Variants in ANKMY1 observed in about 807,000 individuals in gnomAD.
ANKMY1 encodes the protein ankyrin repeat and MYND domain-containing protein 1.
A neutral mutation model predicts 102.0 loss-of-function variants in ANKMY1; 98 were observed. The observed-to-expected ratio is 0.96, with a 90% CI of 0.82 to 1.14. The LOEUF is 1.14. Among genes scored for constraint, ANKMY1 ranks in the 50% most tolerant of loss-of-function variants. The pLI is 0.00. For synonymous variants in ANKMY1, 582 were observed against 559.9 expected, an observed-to-expected ratio of 1.04 and a Z score of -0.56; for missense variants, 1,330 against 1,347.6, an observed-to-expected ratio of 0.99 and a Z score of 0.20.
At chr2:240,527,137 T>A in intron 5 of ANKMY1, 1 of 367,712 alleles carries the variant, frequency 2.7e-6, no homozygotes, top group Non-Finnish European at 3.7e-6. Flanking sequence ...GATGGGTGGG[T>A]GGATGAATAG....
rs114305419 is a variant in ANKMY1, at chr2:240,519,454, C to A, written c.2004+908G>T. 5.5e-3 allele frequency among the ~76,000 whole-genome samples: 845 copies of A among 152,376 alleles called. 10 individuals are homozygous for A. Among genetic ancestry groups the A allele is most frequent in the African/African-American group, 0.019 (801 of 41,586 alleles). ...CTGTCATACTTCCATCTCGCCCCATCCCCTGTGAACCTAACGAGGCCCTCA... is the reference window on the plus strand; with the variant it reads ...CTGTCATACTTCCATCTCGCCCCATACCCTGTGAACCTAACGAGGCCCTCA... On this transcript the variant is annotated intron_variant, in intron 9 of 17. Coordinates refer to ENST00000401804, the MANE Select transcript of ANKMY1 (RefSeq NM_001282771.3).
intron 15 of ANKMY1, among the ~76,000 whole-genome samples, chr2:240,487,280 T>G (rs2076161891): frequency 1.3e-5 from 2 of 152,236 alleles, no homozygotes; most frequent in South Asian, 2.1e-4. Flanking sequence ...AATCTCCAGT[T>G]CCACTTGTGT....
Position 240,507,650 on chromosome 2 carries a change from C to T in ANKMY1, c.2436G>A (p.Leu812=), listed in dbSNP as rs886223319. The change falls in exon 13 of 18, where the codon CTG becomes CTA. Residue 812 remains leucine, a synonymous_variant. Coordinates refer to ENST00000401804, the MANE Select transcript of ANKMY1 (RefSeq NM_001282771.3). ...ELLTQGADPN[L]PLTKGLGSAL... ...CACTGCCCAAGCCTTTGGTCAGGGGCAGGTTGGGGTCAGCTCCCTGGGTCA... is the reference window on the plus strand; with the variant it reads ...CACTGCCCAAGCCTTTGGTCAGGGGTAGGTTGGGGTCAGCTCCCTGGGTCA... The T allele has an allele frequency of 3.7e-6, 6 of 1,611,204 alleles. No individual in the cohort carries two copies. The African/African-American group carries it at 6.7e-5, about 18-fold the overall frequency.
chr2:240,480,532 C>T (rs1426916913), intron 17 of ANKMY1, among the ~76,000 whole-genome samples: 1 of 152,164 alleles, frequency 6.6e-6, no homozygotes, highest in Non-Finnish European at 1.5e-5. Flanking sequence ...CCTGAAGGAG[C>T]CCCAAGGCCA....
At chr2:240,502,135 C>T (rs1232085884) in intron 13 of ANKMY1, among the ~76,000 whole-genome samples, 1 of 151,994 alleles carries the variant, frequency 6.6e-6, no homozygotes, top group Non-Finnish European at 1.5e-5. Flanking sequence ...TCGACCTTTC[C>T]CTGCCCAATG....
chr2:240,485,284 C>T (rs565944030), intron 15 of ANKMY1, among the ~76,000 whole-genome samples: 46 of 151,248 alleles, frequency 3.0e-4, no homozygotes, highest in African/African-American at 1.1e-3. Flanking sequence ...GCCGAGATCG[C>T]GCCCCTGCAC....
chr2:240,523,725 A>T (rs913037327), intron 8 of ANKMY1, 160 bp downstream of exon 8: 64 of 1,234,446 alleles, frequency 5.2e-5, no homozygotes, highest in Non-Finnish European at 6.6e-5. Flanking sequence ...AGGGCTGGCC[A>T]TGGCGTGGAG....
chr2:240,502,855 C>A (rs550844826), intron 13 of ANKMY1, among the ~76,000 whole-genome samples: 86 of 151,518 alleles, frequency 5.7e-4, no homozygotes, highest in African/African-American at 2.0e-3. Context: ...TGAACTATGA[C>A]ATCATTGCCT....
chr2:240,550,006 C>T (rs1005114943), intron 4 of ANKMY1, among the ~76,000 whole-genome samples: 20 of 151,754 alleles, frequency 1.3e-4, no homozygotes, highest in Admixed American at 1.2e-3. Flanking sequence ...CCCAGCCATC[C>T]CATTACCGGG....
In ANKMY1 at chr2:240,499,997, T is replaced by A. The variant is rs777404916; in HGVS notation, c.2767A>T (p.Ser923Cys). ...TACAGCCACGTGGGGTCCCACTGGC[T>A]CTCCTTGGCAAAGACAGCCTGCCGT... The part of the protein sequence containing the change: ...QLRQAVFAKE[S>C]QWDPTWLYLC... Residue 923 changes from serine to cysteine, a missense_variant, in exon 15 of 18, where the codon AGC becomes TGC. Physicochemically the swap from Ser to Cys is moderately radical, Grantham distance 112. Coordinates refer to ENST00000401804, the MANE Select transcript of ANKMY1 (RefSeq NM_001282771.3). This position sits in a 1 kb window ranked among gnomAD's most constrained non-coding sequence, Gnocchi z 4.2. The A allele has an allele frequency of 5.0e-6, 8 of 1,612,864 alleles. No individual in the cohort carries two copies. The highest frequency in any genetic ancestry group is 6.8e-6 in the Non-Finnish European group (8 of 1,179,794).
chr2:240,469,024 C>T, the ANKMY1 span, among the ~76,000 whole-genome samples: 14 of 152,268 alleles, frequency 9.2e-5, no homozygotes, highest in African/African-American at 2.2e-4. Flanking sequence ...CTCTCCGTGG[C>T]GGGCCAGGGG....
rs555045234 is a variant in ANKMY1, at chr2:240,505,054, A to C, written c.2526+2506T>G. On this transcript the variant is annotated intron_variant, in intron 13 of 17. Coordinates refer to ENST00000401804, the MANE Select transcript of ANKMY1 (RefSeq NM_001282771.3). ...CCATTAGGATGGCTACTATCAAAAA[A>C]ACAGAAAATAACAAGTCTTGGTGAT... Among the ~76,000 whole-genome samples the C allele has an allele frequency of 7.9e-5, 12 of 151,964 alleles. No individual in the cohort carries two copies. In the South Asian group the frequency reaches 2.5e-3, roughly 32 times the overall value.
intron 15 of ANKMY1, among the ~76,000 whole-genome samples, chr2:240,482,463 A>G (rs923853708): frequency 1.3e-5 from 2 of 152,218 alleles, no homozygotes; most frequent in Non-Finnish European, 2.9e-5. Flanking sequence ...GGCAGTCCAC[A>G]GGCTCCAGGG....
chr2:240,547,661 TA>T (rs1391795305), intron 4 of ANKMY1, among the ~76,000 whole-genome samples: 1 of 148,134 alleles, frequency 6.8e-6, no homozygotes, highest in African/African-American at 2.5e-5. Context: ...ATAGATGCAA[TA>T]AAAAATGATA....
Position 240,480,404 on chromosome 2 carries a change from T to C in ANKMY1, c.3046+533A>G, listed in dbSNP as rs1236153315. On this transcript the variant is annotated intron_variant, in intron 17 of 17. Coordinates refer to ENST00000401804, the MANE Select transcript of ANKMY1 (RefSeq NM_001282771.3). ...CCGCCACCCTTGCGGCACCGGGCCCTGTTCACACCAAGGAGGTGAGGAGGG... is the reference window on the plus strand; with the variant it reads ...CCGCCACCCTTGCGGCACCGGGCCCCGTTCACACCAAGGAGGTGAGGAGGG... Among the ~76,000 whole-genome samples, 5 of 152,200 alleles carry C rather than the reference T, an allele frequency of 3.3e-5. No homozygotes were observed. In the East Asian group the frequency reaches 9.7e-4, roughly 29 times the overall value.
At position 240,524,189 on chromosome 2, in the gene ANKMY1, C is replaced by G. The variant is rs752676722; in HGVS notation, c.1528G>C (p.Gly510Arg). The G allele has an allele frequency of 1.4e-5, 22 of 1,613,806 alleles. No individual in the cohort carries two copies. The highest frequency in any genetic ancestry group is 2.2e-5 in the East Asian group (1 of 44,892). ...GGHFQDTGQC[G>R]GSIDHRSSSL... ...CTGCTCCTGTGGTCTATGGACCCCCCACACTGCCCGGTGTCCTGGAAGTGG... is the reference window on the plus strand; with the variant it reads ...CTGCTCCTGTGGTCTATGGACCCCCGACACTGCCCGGTGTCCTGGAAGTGG... Residue 510 changes from glycine to arginine, a missense_variant, in exon 8 of 18, where the codon GGG becomes CGG. Coordinates refer to ENST00000401804, the MANE Select transcript of ANKMY1 (RefSeq NM_001282771.3).
intron 4 of ANKMY1, among the ~76,000 whole-genome samples, chr2:240,546,137 G>A (rs942904075): frequency 3.3e-5 from 5 of 152,220 alleles, no homozygotes; most frequent in Non-Finnish European, 5.9e-5. Flanking sequence ...TCAAAGGGAA[G>A]CTCGTCAGAC....
At chr2:240,561,001 G>A, upstream of ANKMY1, 1 of 1,539,510 alleles carries the variant, frequency 6.5e-7, no homozygotes, top group Non-Finnish European at 8.7e-7. Flanking sequence ...TGCAAGAACG[G>A]CCGCAGCCGC....
At chr2:240,548,023 A>T (rs2090766763) in intron 4 of ANKMY1, among the ~76,000 whole-genome samples, 1 of 152,266 alleles carries the variant, frequency 6.6e-6, no homozygotes, top group African/African-American at 2.4e-5. Context: ...TGAGGCCAGC[A>T]TCATCCTGAT....
Sources: allele counts gnomAD v4.1 joint callset (sites outside exome capture counted in the v4.1 genomes callset), GRCh38; gene constraint gnomAD v4.1.1; non-coding constraint Gnocchi (gnomAD v3.1); transcripts MANE v1.5; gene names NCBI Gene and HGNC (gene_info 2026-07-23, HGNC 2026-07-21).